MTMR3: variants seen among roughly 807,000 people sequenced by gnomAD.
MTMR3 encodes the protein myotubularin related protein 3, also known as phosphatidylinositol-3,5-bisphosphate 3-phosphatase MTMR3.
A neutral mutation model predicts 132.4 loss-of-function variants in MTMR3; 32 were observed. That is an observed-to-expected ratio of 0.24 (90% CI 0.18 to 0.32). MTMR3 has a LOEUF of 0.32. Among genes scored for constraint, MTMR3 ranks in the 10% least tolerant of loss-of-function variants. The pLI is 1.00. For missense variants in MTMR3, 1,216 were observed against 1,489.6 expected, an observed-to-expected ratio of 0.82 and a Z score of 3.02; for synonymous variants, 556 against 550.3, an observed-to-expected ratio of 1.01 and a Z score of -0.14.
chr22:29,926,389 T>G, intron 1 of MTMR3, among the ~76,000 whole-genome samples: 1 of 152,238 alleles, frequency 6.6e-6, no homozygotes, highest in East Asian at 1.9e-4. Context: ...TTCAGTTTTC[T>G]TGGGTATATA....
rs1264899396 is a variant in MTMR3 at position 30,026,107 on chromosome 22, G to T, written c.*306G>T. 3.3e-6 allele frequency: 1 copy of T among 305,100 alleles called. No individual in the cohort carries two copies. The highest frequency in any genetic ancestry group is 6.1e-6 in the Non-Finnish European group (1 of 162,968). The allele number at this position is 305,100 out of a possible 1,614,324, so 18.9% of individuals were successfully genotyped here. A position where few individuals can be genotyped will look rare whatever the true frequency, so the allele number is the denominator to read the frequency against. ...CCAGGCCCACTGTAACTGCCGAGCT[G>T]CCTGCTGTCACGTGACACTGAGGGA... On this transcript the variant is annotated 3_prime_UTR_variant, in exon 20 of 20. Coordinates refer to ENST00000401950, the MANE Select transcript of MTMR3 (RefSeq NM_021090.4).
chr22:29,926,543 T>C (rs1011882446), intron 1 of MTMR3, among the ~76,000 whole-genome samples: 5 of 152,230 alleles, frequency 3.3e-5, no homozygotes, highest in African/African-American at 1.2e-4. Flanking sequence ...CATTCTTGAT[T>C]ACATTTGTGA....
At position 30,029,756 on chromosome 22, in the gene MTMR3, G is replaced by T. The variant is rs530577270; in HGVS notation, c.*3955G>T. On this transcript the variant is annotated 3_prime_UTR_variant, in exon 20 of 20. Transcript: ENST00000401950. The stretch of plus-strand genomic sequence containing the variant: ...TTGCAGTAGGTGAGGGCTAACAGCA[G>T]AATTTAAAGTGGACCCTGGGCTGTG... The T allele has an allele frequency of 6.6e-6, 1 of 152,498 alleles. No homozygotes were observed. The highest frequency in any genetic ancestry group is 2.1e-4 in the South Asian group (1 of 4,826). 9.4% of individuals were successfully genotyped at this position (152,498 alleles called of 1,614,324 possible).
chr22:29,938,141 C>T (rs181692099), intron 1 of MTMR3, among the ~76,000 whole-genome samples: 143 of 152,270 alleles, frequency 9.4e-4, no homozygotes, highest in Non-Finnish European at 1.7e-3. Context: ...CACATACCCA[C>T]CAGCACCATG....
chr22:29,903,243 T>A (rs2065033702), intron 1 of MTMR3, among the ~76,000 whole-genome samples: 1 of 151,904 alleles, frequency 6.6e-6, no homozygotes, highest in African/African-American at 2.4e-5. Context: ...AAAATAAAAA[T>A]AAAAAAGAAA....
At chr22:29,907,801 A>G (rs966683185) in intron 1 of MTMR3, among the ~76,000 whole-genome samples, 4 of 152,010 alleles carry the variant, frequency 2.6e-5, no homozygotes, top group African/African-American at 9.7e-5. Context: ...TTTTTTTGAT[A>G]CACACTTTGA....
In MTMR3 at chr22:30,019,693, T is replaced by C; in HGVS notation, c.2034T>C (p.Leu678=). Residue 678 remains leucine (L), a synonymous_variant, in exon 17 of 20, where the codon CTT becomes CTC. Coordinates refer to ENST00000401950, the MANE Select transcript of MTMR3 (RefSeq NM_021090.4). ...CCAGAGTGCCGGGGGGTGCCGAGCT[T>C]TCTGTTGCAGCCGGAGTAGCTGAGG... ...KPTRVPGGAE[L]SVAAGVAEGQ... The C allele has an allele frequency of 6.2e-7, 1 of 1,614,008 alleles. No individual in the cohort carries two copies. Among genetic ancestry groups the C allele is most frequent in the Non-Finnish European group, 8.5e-7 (1 of 1,179,988 alleles).
At chr22:29,916,094 A>G (rs1193968856) in intron 1 of MTMR3, among the ~76,000 whole-genome samples, 2 of 152,208 alleles carry the variant, frequency 1.3e-5, no homozygotes, top group African/African-American at 2.4e-5. Context: ...TAGAAAATCC[A>G]TAATTCAACG....
intron 10 of MTMR3, 105 bp downstream of exon 10, chr22:30,007,424 G>C: frequency 9.0e-7 from 1 of 1,110,006 alleles, no homozygotes; most frequent in Non-Finnish European, 1.3e-6. Flanking sequence ...TTATAGAAGT[G>C]AATGTGCAGA....
At chr22:30,001,529 G>A (rs2067175654) in intron 8 of MTMR3, 1 of 152,178 alleles carries the variant, frequency 6.6e-6, no homozygotes, top group Non-Finnish European at 1.5e-5. Context: ...CTCTAGCCCG[G>A]GTAACAGAAC....
chr22:29,977,971 AC>A (rs1602610477), intron 3 of MTMR3: 1 of 153,356 alleles, frequency 6.5e-6, no homozygotes, highest in East Asian at 1.9e-4. Context: ...ACATGGCAAA[AC>A]CCCGTCTCTA....
At chr22:29,919,582 A>G (rs1431159341) in intron 1 of MTMR3, among the ~76,000 whole-genome samples, 1 of 152,136 alleles carries the variant, frequency 6.6e-6, no homozygotes, top group African/African-American at 2.4e-5. Context: ...GAGTGCAGTC[A>G]TGTAATCATG....
rs373922760 is a variant in MTMR3 at position 29,967,283 on chromosome 22, C to T, written c.-84-3693C>T. On this transcript the variant is annotated intron_variant, in intron 2 of 19. Transcript: ENST00000401950. ...TTAGAGACAAGGTCTTGCTCTGTCACTCAGGCTGGAGTGCAGTAGCATAAG... is the reference window on the plus strand; with the variant it reads ...TTAGAGACAAGGTCTTGCTCTGTCATTCAGGCTGGAGTGCAGTAGCATAAG... 2.5e-3 allele frequency among the ~76,000 whole-genome samples: 383 copies of T among 151,876 alleles called. 1 individual carries two copies. The highest frequency in any genetic ancestry group is 8.8e-3 in the African/African-American group (366 of 41,384).
intron 2 of MTMR3, among the ~76,000 whole-genome samples, chr22:29,962,609 C>T (rs58564057): frequency 0.033 from 4,949 of 152,004 alleles, 281 homozygotes; most frequent in African/African-American, 0.11. Flanking sequence ...AGGTTGAGGC[C>T]GCCGTGAACC....
rs191242741 is a variant in MTMR3, at chr22:29,891,769, A to C, written c.-138+8410A>C. ...TGGATACTACTGCTTTAGACTCTTAAGGTTTAATATTGAGCATTTATAGAT... is the reference window on the plus strand; with the variant it reads ...TGGATACTACTGCTTTAGACTCTTACGGTTTAATATTGAGCATTTATAGAT... On this transcript the variant is annotated intron_variant, in intron 1 of 19. Coordinates refer to ENST00000401950, the MANE Select transcript of MTMR3 (RefSeq NM_021090.4). 3.8e-3 allele frequency among the ~76,000 whole-genome samples: 575 copies of C among 152,140 alleles called. 4 individuals carry two copies. The highest frequency in any genetic ancestry group is 0.013 in the African/African-American group (551 of 41,508).
intron 7 of MTMR3, chr22:29,997,154 A>G (rs1330253090): frequency 6.6e-6 from 1 of 152,120 alleles, no homozygotes; most frequent in Non-Finnish European, 1.5e-5. Context: ...CCAAAATGGG[A>G]TGGATTTAGT....
At chr22:29,955,379 A>G (rs981651150) in intron 1 of MTMR3, among the ~76,000 whole-genome samples, 3 of 152,216 alleles carry the variant, frequency 2.0e-5, no homozygotes, top group African/African-American at 4.8e-5. Flanking sequence ...ATTTCATGCA[A>G]ATACTCAGGT....
intron 2 of MTMR3, among the ~76,000 whole-genome samples, chr22:29,958,980 G>T (rs1231556648): frequency 6.6e-6 from 1 of 152,160 alleles, no homozygotes; most frequent in Non-Finnish European, 1.5e-5. Flanking sequence ...CTGTATAGTG[G>T]AGGATCATAG....
At chr22:29,898,030 C>T (rs1415833217) in intron 1 of MTMR3, among the ~76,000 whole-genome samples, 2 of 152,032 alleles carry the variant, frequency 1.3e-5, no homozygotes, top group Non-Finnish European at 2.9e-5. Context: ...GGCTGTAGTA[C>T]AGAGGCACAA....
Sources: gnomAD v4.1 joint callset for allele counts (sites outside exome capture counted in the v4.1 genomes callset) on GRCh38, gnomAD v4.1.1 for gene constraint, MANE v1.5 for transcripts, NCBI Gene and HGNC (gene_info 2026-07-23, HGNC 2026-07-21) for gene names.